IZUMO1R: variants seen among roughly 807,000 people sequenced by gnomAD.
IZUMO1R encodes the protein IZUMO1 receptor, JUNO.
Under a neutral mutation model 22.1 loss-of-function variants are expected in IZUMO1R, and 24 were observed. That is an observed-to-expected ratio of 1.09 (90% CI 0.79 to 1.53). The LOEUF is 1.53. Ranked by LOEUF, IZUMO1R falls within the 40% of genes most tolerant of loss-of-function variation. IZUMO1R has a pLI of 0.00. For missense variants in IZUMO1R, 308 were observed against 314.9 expected (o/e 0.98, Z 0.17); for synonymous variants, 133 against 121.2 (o/e 1.10, Z -0.64).
In IZUMO1R at chr11:94,304,698, A is replaced by G. The variant is rs1401707042; in HGVS notation, c.-188A>G. On this transcript the variant is annotated 5_prime_UTR_variant, in exon 1 of 5. Transcript: ENST00000687084. The stretch of plus-strand genomic sequence containing the variant: ...GGAAGCAAACTTCCTCGGAACCCAC[A>G]GGCCTGCAGAGCTGGGTGAGACAGA... 1.3e-5 allele frequency among the ~76,000 whole-genome samples: 2 copies of G among 152,140 alleles called. No homozygotes were observed. The highest frequency in any genetic ancestry group is 4.8e-5 in the African/African-American group (2 of 41,434).
chr11:94,305,922 C>A (rs776067812), intron 2 of IZUMO1R, 148 bp downstream of exon 2: 239 of 868,786 alleles, frequency 2.8e-4, no homozygotes, highest in Non-Finnish European at 3.9e-4. Context: ...GAGACTATGC[C>A]TTTTTGAGAC....
In IZUMO1R at chr11:94,308,058, G is replaced by A. The variant is rs147640288; in HGVS notation, c.*366G>A. 1.4e-4 allele frequency among the ~76,000 whole-genome samples: 22 copies of A among 152,012 alleles called. 1 individual carries two copies. Among genetic ancestry groups the A allele is most frequent in the Admixed American group, 5.2e-4 (8 of 15,288 alleles). ...TCAAGGACTTTCCCATCCAGTGCAC[G>A]CCTACCCCTTTCTGTGACAGAGCTG... On this transcript the variant is annotated 3_prime_UTR_variant, in exon 5 of 5. Coordinates refer to ENST00000687084, the MANE Select transcript of IZUMO1R (RefSeq NM_001199206.4).
chr11:94,307,399 G>C lies in IZUMO1R; in HGVS notation c.485-25G>C, dbSNP rs373763749. 68 of 1,613,054 alleles carry C rather than the reference G, an allele frequency of 4.2e-5. No individual in the cohort carries two copies. In the East Asian group the frequency reaches 1.4e-3, roughly 33 times the overall value. On this transcript the variant is annotated intron_variant, in intron 4 of 4. Coordinates refer to ENST00000687084, the MANE Select transcript of IZUMO1R (RefSeq NM_001199206.4). ...CTAGCAATGAGGGAGTAGGAGGTAA[G>C]CTGTCCCTCCTCCATCCCCTGCAGG...
At chr11:94,305,610 G>A (rs1944007037) in intron 1 of IZUMO1R, 21 bp from the exon 2 acceptor site, 1 of 1,611,238 alleles carries the variant, frequency 6.2e-7, no homozygotes, top group Non-Finnish European at 8.5e-7. Context: ...CATCAAGTGT[G>A]CAGCATGGGT....
intron 3 of IZUMO1R, 101 bp downstream of exon 3, chr11:94,306,823 G>A: frequency 2.5e-6 from 3 of 1,209,496 alleles, no homozygotes; most frequent in Non-Finnish European, 3.5e-6. Flanking sequence ...GGAACAGGAG[G>A]TGTTATTTCC....
chr11:94,306,765 G>C, intron 3 of IZUMO1R, 43 bp downstream of exon 3: 1 of 1,583,558 alleles, frequency 6.3e-7, no homozygotes, highest in Non-Finnish European at 8.7e-7. Flanking sequence ...TATATTAACA[G>C]CCAGAGCTTT....
chr11:94,307,507 T>C lies in IZUMO1R; in HGVS notation c.568T>C (p.Trp190Arg). 6.2e-7 allele frequency: 1 copy of C among 1,613,738 alleles called. No individual in the cohort carries two copies. The highest frequency in any genetic ancestry group is 8.5e-7 in the Non-Finnish European group (1 of 1,179,882). Residue 190 changes from tryptophan (W) to arginine (R), a missense_variant, in exon 5 of 5, where the codon TGG (tryptophan) becomes CGG (arginine). By Grantham distance (101) the Trp-to-Arg change is moderately radical. Coordinates refer to ENST00000687084, the MANE Select transcript of IZUMO1R (RefSeq NM_001199206.4). ...CCCAGCTGACCTGTGTGAGAAGACTTGGAGCAATTCCTTCAAAGCCAGCCC... is the reference window on the plus strand; with the variant it reads ...CCCAGCTGACCTGTGTGAGAAGACTCGGAGCAATTCCTTCAAAGCCAGCCC... ...PTPADLCEKT[W>R]SNSFKASPER... is the part of the protein sequence containing the mutation.
At position 94,307,583 on chromosome 11, in the gene IZUMO1R, A is replaced by G. The variant is rs1944035967; in HGVS notation, c.644A>G (p.Gln215Arg). The G allele has an allele frequency of 1.2e-6, 2 of 1,613,886 alleles. No individual in the cohort carries two copies. Among genetic ancestry groups the G allele is most frequent in the Non-Finnish European group, 1.7e-6 (2 of 1,179,866 alleles). Reference protein sequence around the residue: ...RCLQKWFEPAQGNPNVAVARL... With the variant: ...RCLQKWFEPARGNPNVAVARL... ...CTCCAGAAGTGGTTTGAGCCTGCTC[A>G]GGGCAACCCCAATGTGGCCGTGGCC... is the stretch of plus-strand genomic sequence containing the variant. Residue 215 changes from glutamine to arginine, a missense_variant, in exon 5 of 5, where the codon CAG becomes CGG. Transcript: ENST00000687084.
chr11:94,306,519 C>T lies in IZUMO1R; in HGVS notation c.145C>T (p.Pro49Ser). Reference protein sequence around the residue: ...PEDKLYEECIPWKDNACCTLT... With the variant: ...PEDKLYEECISWKDNACCTLT... The stretch of plus-strand genomic sequence containing the variant: ...TTTCTTCCTCTGCCTTCAGTGCATC[C>T]CCTGGAAGGACAATGCCTGCTGCAC... The change falls in exon 3 of 5, where the codon CCC becomes TCC. Residue 49 changes from proline (P) to serine (S), a missense_variant. Coordinates refer to ENST00000687084, the MANE Select transcript of IZUMO1R (RefSeq NM_001199206.4). 6.2e-7 allele frequency: 1 copy of T among 1,613,822 alleles called. No individual in the cohort carries two copies.
Position 94,307,277 on chromosome 11 carries a change from G to T in IZUMO1R, c.461G>T (p.Arg154Leu). The T allele has an allele frequency of 1.2e-6, 2 of 1,612,728 alleles. No homozygotes were observed. The highest frequency in any genetic ancestry group is 1.1e-5 in the South Asian group (1 of 90,672). The part of the protein sequence containing the change: ...RMSYTCKSNW[R>L]GGWDWSQGKN... ...TCTTACACATGCAAATCCAACTGGC[G>T]TGGTGGCTGGGACTGGAGTCAGGGT... Residue 154 changes from arginine to leucine, a missense_variant, in exon 4 of 5, where the codon CGT becomes CTT. Arg to Leu is a moderately radical substitution (Grantham distance 102). Transcript: ENST00000687084.
Position 94,305,645 on chromosome 11 carries a change from C to G in IZUMO1R, c.9C>G (p.Cys3Trp), listed in dbSNP as rs61742524. Residue 3 changes from cysteine to tryptophan, a missense_variant, in exon 2 of 5, where the codon TGC becomes TGG. Cys to Trp is a radical substitution (Grantham distance 215). Coordinates refer to ENST00000687084, the MANE Select transcript of IZUMO1R (RefSeq NM_001199206.4). ...TCTCTCTGTAGCAGGCCATGGCATG[C>G]TGGTGGCCGCTCCTGCTAGAGCTGT... MA[C>W]WWPLLLELWT... is the part of the protein sequence containing the mutation. 0.032 allele frequency: 50,828 copies of G among 1,612,660 alleles called. 3,640 individuals carry two copies. Among genetic ancestry groups the G allele is most frequent in the African/African-American group, 0.29 (21,490 of 74,750 alleles).
At chr11:94,307,363 A>T (rs1172815718) in intron 4 of IZUMO1R, 61 bp from the exon 5 acceptor site, 1 of 1,611,784 alleles carries the variant, frequency 6.2e-7, no homozygotes. Flanking sequence ...ACAAGGGTGC[A>T]GGTGCAAAGG....
In IZUMO1R at chr11:94,307,213, C is replaced by T. The variant is rs550026807; in HGVS notation, c.397C>T (p.Gln133Ter). ...GERVVNVPLC[Q>*]EDCEEWWEDC... is the part of the protein sequence containing the mutation. ...GCGAGTTGTGAATGTGCCGCTGTGCCAGGAGGACTGTGAGGAGTGGTGGGA... is the reference window on the plus strand; with the variant it reads ...GCGAGTTGTGAATGTGCCGCTGTGCTAGGAGGACTGTGAGGAGTGGTGGGA... Residue 133 changes from glutamine to a stop codon, truncating the protein, a stop_gained, in exon 4 of 5, where the codon CAG becomes TAG. Transcript: ENST00000687084. LOFTEE classifies it high-confidence loss of function. The T allele has an allele frequency of 6.2e-5, 99 of 1,605,830 alleles. No homozygotes were observed. In the South Asian group the frequency reaches 1.0e-3, roughly 17 times the overall value.
In IZUMO1R at chr11:94,308,115, C is replaced by T. The variant is rs753605020; in HGVS notation, c.*423C>T. Among the ~76,000 whole-genome samples the T allele has an allele frequency of 3.3e-5, 5 of 152,000 alleles. No homozygotes were observed. The highest frequency in any genetic ancestry group is 2.1e-4 in the South Asian group (1 of 4,816). On this transcript the variant is annotated 3_prime_UTR_variant, in exon 5 of 5. Transcript: ENST00000687084. ...GCAGACCTGGCCTCCCATCCTCCGA[C>T]GGTGTCTTCAATAAATCGGCACTCA...
intron 3 of IZUMO1R, among the ~76,000 whole-genome samples, 187 bp from the exon 4 acceptor site, chr11:94,306,978 C>A (rs2134629699): frequency 6.6e-6 from 1 of 152,258 alleles, no homozygotes; most frequent in Non-Finnish European, 1.5e-5. Flanking sequence ...TCTGTCCCTA[C>A]CAGCTGTATA....
rs752833477 is a variant in IZUMO1R, at chr11:94,305,722, A to C, written c.86A>C (p.Asn29Thr). The C allele has an allele frequency of 1.2e-6, 2 of 1,613,412 alleles. No individual in the cohort carries two copies. Among genetic ancestry groups the C allele is most frequent in the Non-Finnish European group, 1.7e-6 (2 of 1,179,772 alleles). ...AGDELLNICM[N>T]AKHHKRVPSP... ...GACGAGCTGCTCAACATCTGCATGA[A>C]TGCCAAACACCACAAGAGAGTGCCC... is the stretch of plus-strand genomic sequence containing the variant. Residue 29 changes from asparagine to threonine, a missense_variant, in exon 2 of 5, where the codon AAT (asparagine) becomes ACT (threonine). Transcript: ENST00000687084.
At position 94,306,651 on chromosome 11, in the gene IZUMO1R, G is replaced by A; in HGVS notation, c.277G>A (p.Ala93Thr). ...TGGCTGTCGGAAGCACTTCATCCAG[G>A]CTATCTGCTTCTATGAGTGCTCCCC... Reference protein sequence around the residue: ...MPGCRKHFIQAICFYECSPNL... With the variant: ...MPGCRKHFIQTICFYECSPNL... The change falls in exon 3 of 5, where the codon GCT becomes ACT. Residue 93 changes from alanine to threonine, a missense_variant. Transcript: ENST00000687084. The A allele has an allele frequency of 6.2e-7, 1 of 1,613,960 alleles. No homozygotes were observed. Among genetic ancestry groups the A allele is most frequent in the Non-Finnish European group, 8.5e-7 (1 of 1,179,866 alleles).
rs772304997 is a variant in IZUMO1R, at chr11:94,307,205, C to T, written c.389C>T (p.Pro130Leu). The stretch of plus-strand genomic sequence containing the variant: ...CAGGGAGAGCGAGTTGTGAATGTGC[C>T]GCTGTGCCAGGAGGACTGTGAGGAG... ...SGQGERVVNVPLCQEDCEEWW... is the reference protein window; with the variant it reads ...SGQGERVVNVLLCQEDCEEWW... The change falls in exon 4 of 5, where the codon CCG becomes CTG. Residue 130 changes from proline (P) to leucine (L), a missense_variant. Transcript: ENST00000687084. 48 of 1,603,510 alleles carry T rather than the reference C, an allele frequency of 3.0e-5. No homozygotes were observed. Among genetic ancestry groups the T allele is most frequent in the Non-Finnish European group, 3.7e-5 (43 of 1,175,186 alleles).
At position 94,307,843 on chromosome 11, in the gene IZUMO1R, T is replaced by A. The variant is rs2134630804; in HGVS notation, c.*151T>A. ...ACCCAGTCTAGCCCATGCCACTGCTTTTAGGGGAGGGCCTGAGGAAGGAAG... is the reference window on the plus strand; with the variant it reads ...ACCCAGTCTAGCCCATGCCACTGCTATTAGGGGAGGGCCTGAGGAAGGAAG... On this transcript the variant is annotated 3_prime_UTR_variant, in exon 5 of 5. Coordinates refer to ENST00000687084, the MANE Select transcript of IZUMO1R (RefSeq NM_001199206.4). The A allele has an allele frequency of 1.4e-5, 3 of 213,652 alleles. No individual in the cohort carries two copies. The highest frequency in any genetic ancestry group is 2.7e-5 in the Non-Finnish European group (3 of 112,194). The allele number at this position is 213,652 out of a possible 1,614,324, so 13.2% of individuals were successfully genotyped here. A position where few individuals can be genotyped will look rare whatever the true frequency, so the allele number is the denominator to read the frequency against.
Sources: allele counts gnomAD v4.1 joint callset (sites outside exome capture counted in the v4.1 genomes callset), GRCh38; gene constraint gnomAD v4.1.1; transcripts MANE v1.5; gene names NCBI Gene and HGNC (gene_info 2026-07-23, HGNC 2026-07-21).